The following ZNF236 variants were observed in gnomAD, a reference collection of about 807,000 sequenced individuals.
The protein encoded by ZNF236 is zinc finger protein 236, also known as regulated by glucose.
A neutral mutation model predicts 191.2 loss-of-function variants in ZNF236; 50 were observed. The observed-to-expected ratio is 0.26, with a 90% CI of 0.21 to 0.33. The LOEUF is 0.33. Ranked by LOEUF, ZNF236 falls within the 10% of genes least tolerant of loss-of-function variation. The pLI, the probability that ZNF236 is intolerant of heterozygous loss-of-function variation, is 1.00. For synonymous variants in ZNF236, 907 were observed against 928.8 expected, an observed-to-expected ratio of 0.98 and a Z score of 0.43; for missense variants, 1,754 against 2,374.5, an observed-to-expected ratio of 0.74 and a Z score of 5.43.
intron 13 of ZNF236, 36 bp from the exon 14 acceptor site, chr18:76,908,284 A>T: frequency 6.3e-7 from 1 of 1,599,050 alleles, no homozygotes; most frequent in Non-Finnish European, 8.6e-7. Context: ...CTTTGACAGC[A>T]TCTAACCTGA....
At chr18:76,840,066 G>A (rs1042970896) in intron 1 of ZNF236, among the ~76,000 whole-genome samples, 3 of 151,854 alleles carry the variant, frequency 2.0e-5, no homozygotes, top group African/African-American at 7.3e-5. Context: ...AATATGCTGT[G>A]GTTTTTTTAA....
chr18:76,968,449 GT>G lies in ZNF236; in HGVS notation c.*116del. On this transcript the variant is annotated 3_prime_UTR_variant, in exon 31 of 31. Coordinates refer to ENST00000320610, the MANE Select transcript of ZNF236 (RefSeq NM_001306089.2). ...TTCAAGTGTTAAAAATGCTACAATA[GT>G]TTTTTATCTATAAAATTATCTAAAG... 1 of 1,495,824 alleles carries G rather than the reference GT, an allele frequency of 6.7e-7. No homozygotes were observed. The highest frequency in any genetic ancestry group is 1.3e-5 in the South Asian group (1 of 76,058). 92.7% of individuals were successfully genotyped at this position (1,495,824 alleles called of 1,614,324 possible). A position where few individuals can be genotyped will look rare whatever the true frequency, so the allele number is the denominator to read the frequency against.
intron 3 of ZNF236, among the ~76,000 whole-genome samples, chr18:76,868,126 T>C (rs1430117616): frequency 2.0e-5 from 3 of 152,176 alleles, no homozygotes; most frequent in African/African-American, 7.2e-5. Flanking sequence ...GTGTGTGTGC[T>C]GCAGTTACCC....
In ZNF236 at chr18:76,880,002, T is replaced by G. The variant is rs62113124; in HGVS notation, c.985-111T>G. ...TTTAAAATTTATGTTTAGGATACTC[T>G]TAGATTTTAACACCCTTAAGGAGGG... On this transcript the variant is annotated intron_variant, in intron 7 of 30. Coordinates refer to ENST00000320610, the MANE Select transcript of ZNF236 (RefSeq NM_001306089.2). This position sits in a 1 kb window ranked among gnomAD's most constrained non-coding sequence, Gnocchi z 5.0. The G allele has an allele frequency of 9.5e-4, 935 of 984,070 alleles. 2 individuals carry two copies. Among genetic ancestry groups the G allele is most frequent in the Non-Finnish European group, 1.2e-3 (809 of 671,010 alleles). 61.0% of individuals were successfully genotyped at this position (984,070 alleles called of 1,614,324 possible). A position where few individuals can be genotyped will look rare whatever the true frequency, so the allele number is the denominator to read the frequency against.
intron 3 of ZNF236, among the ~76,000 whole-genome samples, chr18:76,864,571 A>G (rs1976348329): frequency 1.3e-5 from 2 of 151,836 alleles, no homozygotes; most frequent in African/African-American, 4.8e-5. Context: ...ACCCTAACAC[A>G]AAAAGAATAA....
At chr18:76,921,533 C>G (rs1014850716) in intron 20 of ZNF236, among the ~76,000 whole-genome samples, 3 of 152,044 alleles carry the variant, frequency 2.0e-5, no homozygotes, top group Non-Finnish European at 2.9e-5. Flanking sequence ...AGATAGTTTT[C>G]CAGTAGGGGT....
chr18:76,905,096 C>T, intron 12 of ZNF236, 59 bp from the exon 13 acceptor site: 2 of 1,497,064 alleles, frequency 1.3e-6, no homozygotes, highest in Admixed American at 2.1e-5. Flanking sequence ...GCATTCTAGT[C>T]ACAAAGCATT....
chr18:76,837,868 A>G (rs985817529), intron 1 of ZNF236, among the ~76,000 whole-genome samples: 1 of 152,310 alleles, frequency 6.6e-6, no homozygotes, highest in Non-Finnish European at 1.5e-5. Flanking sequence ...CTGAACTCTC[A>G]CTAGTGTCTC....
intron 27 of ZNF236, among the ~76,000 whole-genome samples, chr18:76,950,524 C>T (rs185469035): frequency 4.5e-4 from 69 of 152,262 alleles, no homozygotes; most frequent in Middle Eastern, 6.8e-3. Flanking sequence ...TCCTTATCTG[C>T]TGAGTTATAT....
In ZNF236 at chr18:76,903,133, A is replaced by G. The variant is rs566451447; in HGVS notation, c.1895-1247A>G. Among the ~76,000 whole-genome samples, 3 of 152,370 alleles carry G rather than the reference A, an allele frequency of 2.0e-5. No homozygotes were observed. In the South Asian group the frequency reaches 6.2e-4, roughly 32 times the overall value. On this transcript the variant is annotated intron_variant, in intron 11 of 30. Coordinates refer to ENST00000320610, the MANE Select transcript of ZNF236 (RefSeq NM_001306089.2). The stretch of plus-strand genomic sequence containing the variant: ...TTCTGATGCAAGCTTCAGGAAGCAT[A>G]GGTGAATTTCCTTAAATCTAATAAT...
At chr18:76,895,507 G>T (rs1213532502) in intron 10 of ZNF236, 2 of 646,120 alleles carry the variant, frequency 3.1e-6, no homozygotes, top group Admixed American at 2.9e-5. Flanking sequence ...CTGCACAAAG[G>T]TCTCAAACAC....
At position 76,880,923 on chromosome 18, in the gene ZNF236, A is replaced by G. The variant is rs1039601971; in HGVS notation, c.1189-361A>G. Among the ~76,000 whole-genome samples the G allele has an allele frequency of 2.0e-5, 3 of 152,224 alleles. No individual in the cohort carries two copies. The highest frequency in any genetic ancestry group is 4.4e-5 in the Non-Finnish European group (3 of 68,032). On this transcript the variant is annotated intron_variant, in intron 8 of 30. Coordinates refer to ENST00000320610, the MANE Select transcript of ZNF236 (RefSeq NM_001306089.2). The surrounding 1 kb of genome is among the most constrained non-coding windows in gnomAD (Gnocchi z 5.0). ...ATCTCAGGGTGTCGTTCTACAGCCG[A>G]TACCTGAAAGTTAAACCCAGTGTAA...
intron 3 of ZNF236, among the ~76,000 whole-genome samples, chr18:76,865,178 A>G (rs574975696): frequency 1.2e-4 from 18 of 152,276 alleles, no homozygotes; most frequent in African/African-American, 4.3e-4. Flanking sequence ...CTCTACTAAA[A>G]ATACAAAAAT....
intron 1 of ZNF236, among the ~76,000 whole-genome samples, chr18:76,844,672 A>T (rs184876705): frequency 6.6e-6 from 1 of 152,340 alleles, no homozygotes; most frequent in East Asian, 1.9e-4. Flanking sequence ...CGAGTTTGTC[A>T]TAAGAGGCCA....
Position 76,925,260 on chromosome 18 carries a change from C to T in ZNF236, c.3733C>T (p.Arg1245Cys). The T allele has an allele frequency of 2.5e-6, 4 of 1,614,206 alleles. No individual in the cohort carries two copies. Among genetic ancestry groups the T allele is most frequent in the Non-Finnish European group, 8.5e-7 (1 of 1,180,050 alleles). Residue 1245 changes from arginine (R) to cysteine (C), a missense_variant, in exon 22 of 31, where the codon CGC (arginine) becomes TGC (cysteine). Coordinates refer to ENST00000320610, the MANE Select transcript of ZNF236 (RefSeq NM_001306089.2). The surrounding 1 kb of genome is among the most constrained non-coding windows in gnomAD (Gnocchi z 5.7). ...GAAGGGAAGTCTGAAGGTCCACATG[C>T]GCCTGCACACGGGAGCCAAGCCCTT... ...STKGSLKVHMRLHTGAKPFKC... is the reference protein window; with the variant it reads ...STKGSLKVHMCLHTGAKPFKC...
chr18:76,960,863 T>C lies in ZNF236; in HGVS notation c.5419+8T>C. 6.2e-7 allele frequency: 1 copy of C among 1,607,512 alleles called. No homozygotes were observed. ...GGGCGCACAGCTATGCTGGTGAGAA[T>C]GCTGCACCCGGGAGTGCGTGCTGTT... On this transcript the variant is annotated splice_region_variant and intron_variant, in intron 30 of 30. Coordinates refer to ENST00000320610, the MANE Select transcript of ZNF236 (RefSeq NM_001306089.2). This position sits in a 1 kb window ranked among gnomAD's most constrained non-coding sequence, Gnocchi z 4.4.
At chr18:76,943,855 T>C (rs747236140) in intron 26 of ZNF236, among the ~76,000 whole-genome samples, 1 of 152,264 alleles carries the variant, frequency 6.6e-6, no homozygotes, top group African/African-American at 2.4e-5. Context: ...GACATTTTTA[T>C]TGAGGCACAA....
Position 76,925,146 on chromosome 18 carries a change from G to T in ZNF236, c.3662-43G>T, listed in dbSNP as rs376288036. 3 of 1,587,952 alleles carry T rather than the reference G, an allele frequency of 1.9e-6. No individual in the cohort carries two copies. The highest frequency in any genetic ancestry group is 2.3e-5 in the South Asian group (2 of 88,012). ...TGAGTGGGGTGGGGGTGAGTGTCGC[G>T]ACTGCCATCGCCTCTGTTGATTCTT... On this transcript the variant is annotated intron_variant, in intron 21 of 30. Transcript: ENST00000320610. This position sits in a 1 kb window ranked among gnomAD's most constrained non-coding sequence, Gnocchi z 5.7.
intron 9 of ZNF236, chr18:76,887,848 G>A (rs1977103487): frequency 6.6e-6 from 1 of 152,220 alleles, no homozygotes; most frequent in Admixed American, 6.5e-5. Context: ...CACGACATGT[G>A]GGGATTATTA....
Sources: allele counts gnomAD v4.1 joint callset (sites outside exome capture counted in the v4.1 genomes callset), GRCh38; gene constraint gnomAD v4.1.1; non-coding constraint Gnocchi (gnomAD v3.1); transcripts MANE v1.5; gene names NCBI Gene and HGNC (gene_info 2026-07-23, HGNC 2026-07-21).